ROS1: variants seen among roughly 807,000 people sequenced by gnomAD.
The protein encoded by ROS1 is ROS proto-oncogene 1, receptor tyrosine kinase.
A neutral mutation model predicts 273.5 loss-of-function variants in ROS1; 263 were observed. The observed-to-expected ratio is 0.96, with a 90% CI of 0.87 to 1.06. ROS1 has a LOEUF of 1.06. Ranked by LOEUF, ROS1 falls within the 50% of genes least tolerant of loss-of-function variation. The probability of loss-of-function intolerance (pLI) is 0.00; values close to 1 mark genes in which losing one functional copy is unlikely to be tolerated. For missense variants in ROS1, 2,833 were observed against 2,751.1 expected (o/e 1.03, Z -0.67); for synonymous variants, 1,008 against 954.1 (o/e 1.06, Z -1.04).
At position 117,387,906 on chromosome 6, in the gene ROS1, T is replaced by C. The variant is rs1772722306; in HGVS notation, c.1873A>G (p.Ser625Gly). Residue 625 changes from serine (S) to glycine (G), a missense_variant, in exon 14 of 44, where the codon AGT (serine) becomes GGT (glycine). Transcript: ENST00000368507. ...PEVTHIFLNISGTMLNVPELQ... is the reference protein window; with the variant it reads ...PEVTHIFLNIGGTMLNVPELQ... ...TCAGGTACATTCAGCATGGTTCCAC[T>C]TATGTTCAAGAAAATATGAGTGACT... 4 of 1,614,196 alleles carry C rather than the reference T, an allele frequency of 2.5e-6. No homozygotes were observed. The highest frequency in any genetic ancestry group is 3.4e-6 in the Non-Finnish European group (4 of 1,180,010).
intron 5 of ROS1, among the ~76,000 whole-genome samples, chr6:117,408,827 A>T (rs1232397946): frequency 1.3e-5 from 2 of 152,172 alleles, no homozygotes; most frequent in African/African-American, 4.8e-5. Context: ...ATGTCCAACA[A>T]TGATAGACTG....
At chr6:117,328,744 C>T (rs1461710196) in intron 33 of ROS1, 1 of 613,740 alleles carries the variant, frequency 1.6e-6, no homozygotes, top group Non-Finnish European at 3.2e-6. Context: ...GGTTCACGTG[C>T]TCCCCGTACT....
At chr6:117,351,239 A>AC (rs1278892218) in intron 27 of ROS1, among the ~76,000 whole-genome samples, 2 of 151,872 alleles carry the variant, frequency 1.3e-5, no homozygotes, top group Non-Finnish European at 2.9e-5. Flanking sequence ...CAGTCCCCCC[A>AC]CCCCACTTAG....
chr6:117,309,922 A>G (rs974398924), intron 41 of ROS1, among the ~76,000 whole-genome samples, 159 bp downstream of exon 41: 2 of 152,108 alleles, frequency 1.3e-5, no homozygotes, highest in African/African-American at 4.8e-5. Flanking sequence ...GAATAGTACC[A>G]CCTTGACCAC....
chr6:117,341,228 A>G lies in ROS1; in HGVS notation c.4968T>C (p.Pro1656=), dbSNP rs780702994. 2 of 1,613,252 alleles carry G rather than the reference A, an allele frequency of 1.2e-6. No homozygotes were observed. The highest frequency in any genetic ancestry group is 1.3e-5 in the African/African-American group (1 of 74,886). ...TAGTGTTCTCTGGAACCAAGGAATA[A>G]GGTTTCTCTGGTGTGTTAAACATTT... The part of the protein sequence containing the change: ...TVEMFNTPEK[P]YSLVPENTSL... The change falls in exon 31 of 44, where the codon CCT becomes CCC. Residue 1656 remains proline, a synonymous_variant. Coordinates refer to ENST00000368507, the MANE Select transcript of ROS1 (RefSeq NM_001378902.1).
intron 4 of ROS1, among the ~76,000 whole-genome samples, chr6:117,411,572 C>T (rs977188336): frequency 5.3e-5 from 8 of 152,110 alleles, no homozygotes; most frequent in African/African-American, 1.4e-4. Flanking sequence ...TCTTCCTCAT[C>T]GTAGTCAGTC....
intron 7 of ROS1, among the ~76,000 whole-genome samples, 189 bp from the exon 8 acceptor site, chr6:117,397,305 AG>A (rs1356692658): frequency 2.0e-5 from 3 of 152,192 alleles, no homozygotes; most frequent in Non-Finnish European, 4.4e-5. Context: ...CTTTCCCAAG[AG>A]GCCCTTTCAA....
chr6:117,317,003 T>C, intron 39 of ROS1, 140 bp downstream of exon 39: 1 of 899,274 alleles, frequency 1.1e-6, no homozygotes, highest in Non-Finnish European at 1.6e-6. Flanking sequence ...CAAAAGCTAA[T>C]GTGAAGGAAA....
chr6:117,326,686 T>A (rs956084868), intron 33 of ROS1, among the ~76,000 whole-genome samples: 3 of 152,136 alleles, frequency 2.0e-5, no homozygotes, highest in Non-Finnish European at 4.4e-5. Flanking sequence ...TTTCCTATAC[T>A]AACAGCATGG....
Position 117,329,454 on chromosome 6 carries a change from G to T in ROS1, c.5231-8C>A. The T allele has an allele frequency of 8.0e-7, 1 of 1,253,626 alleles. No individual in the cohort carries two copies. Among genetic ancestry groups the T allele is most frequent in the Non-Finnish European group, 1.2e-6 (1 of 859,440 alleles). 77.7% of individuals were successfully genotyped at this position (1,253,626 alleles called of 1,614,324 possible). ...GTTTATTTGGGACTCCAGCTTTAGG[G>T]AAAAAAAGAAAATATTGGTTGATAT... On this transcript the variant is annotated splice_polypyrimidine_tract_variant and splice_region_variant and intron_variant, in intron 32 of 43. Transcript: ENST00000368507.
chr6:117,301,171 G>T lies in ROS1; in HGVS notation c.6552-34C>A, dbSNP rs752717529. The T allele has an allele frequency of 2.0e-6, 3 of 1,531,806 alleles. No individual in the cohort carries two copies. In the Admixed American group the frequency reaches 6.8e-5, roughly 35 times the overall value. The allele number at this position is 1,531,806 out of a possible 1,614,324, so 94.9% of individuals were successfully genotyped here. The stretch of plus-strand genomic sequence containing the variant: ...ATGGGGAAAGATGGGAAAGTAAATA[G>T]CAATTGGATATAATTACTGATAACC... On this transcript the variant is annotated intron_variant, in intron 42 of 43. Transcript: ENST00000368507.
At chr6:117,358,587 G>C (rs1388537074) in intron 24 of ROS1, among the ~76,000 whole-genome samples, 2 of 151,948 alleles carry the variant, frequency 1.3e-5, no homozygotes, top group Non-Finnish European at 2.9e-5. Context: ...AGCCTCCCAA[G>C]TGGCTGAGAC....
intron 17 of ROS1, among the ~76,000 whole-genome samples, chr6:117,380,732 G>C (rs1772058437): frequency 6.6e-6 from 1 of 151,974 alleles, no homozygotes; most frequent in Non-Finnish European, 1.5e-5. Flanking sequence ...AACAGTCAGA[G>C]GGTACTCCAT....
At chr6:117,385,545 G>T in intron 16 of ROS1, 138 bp downstream of exon 16, 1 of 752,578 alleles carries the variant, frequency 1.3e-6, no homozygotes, top group Middle Eastern at 3.6e-4. Context: ...TAAGTGACTT[G>T]GTTTAAAGAT....
rs1397538586 is a variant in ROS1 at position 117,341,671 on chromosome 6, T to C, written c.4652-39A>G. 7 of 1,471,046 alleles carry C rather than the reference T, an allele frequency of 4.8e-6. No homozygotes were observed. In the Admixed American group the frequency reaches 5.1e-5, roughly 11 times the overall value. 91.1% of individuals were successfully genotyped at this position (1,471,046 alleles called of 1,614,324 possible). On this transcript the variant is annotated intron_variant, in intron 29 of 43. Coordinates refer to ENST00000368507, the MANE Select transcript of ROS1 (RefSeq NM_001378902.1). ...CAAGGAATGATAAAGGATGCTGCAA[T>C]AGCACTGAAAGATGGAAAGAAGTAA...
intron 33 of ROS1, chr6:117,328,389 A>G (rs752039825): frequency 7.0e-6 from 2 of 285,318 alleles, no homozygotes; most frequent in African/African-American, 2.1e-5. Context: ...TGATTGATGA[A>G]CATCATTACA....
intron 4 of ROS1, among the ~76,000 whole-genome samples, chr6:117,413,878 A>G (rs1257836207): frequency 2.0e-5 from 3 of 152,088 alleles, no homozygotes; most frequent in Non-Finnish European, 4.4e-5. Flanking sequence ...CTACTCAGAA[A>G]GTTGAGGCAG....
chr6:117,307,328 G>C (rs966985655), intron 42 of ROS1, among the ~76,000 whole-genome samples: 1 of 152,150 alleles, frequency 6.6e-6, no homozygotes, highest in Non-Finnish European at 1.5e-5. Flanking sequence ...TGGGGAGAGA[G>C]TGGCATAAGC....
chr6:117,372,293 G>C (rs1181699498), intron 18 of ROS1, among the ~76,000 whole-genome samples: 3 of 152,176 alleles, frequency 2.0e-5, no homozygotes, highest in African/African-American at 7.2e-5. Flanking sequence ...AATCAGTAAA[G>C]AGGAAGTCAT....
Sources: allele counts gnomAD v4.1 joint callset (sites outside exome capture counted in the v4.1 genomes callset), GRCh38; gene constraint gnomAD v4.1.1; transcripts MANE v1.5; gene names NCBI Gene and HGNC (gene_info 2026-07-23, HGNC 2026-07-21).